The following SHISA6 variants were observed in gnomAD, a reference collection of about 807,000 sequenced individuals.
The protein encoded by SHISA6 is protein shisa-6.
A neutral mutation model predicts 47.9 loss-of-function variants in SHISA6; 22 were observed. The ratio of observed to expected loss-of-function variants is 0.46; its 90% CI spans 0.33 to 0.66. SHISA6 has a LOEUF of 0.66. Ranked by LOEUF, SHISA6 falls within the 30% of genes least tolerant of loss-of-function variation. SHISA6 has a pLI of 0.02. For synonymous variants in SHISA6, 388 were observed against 337.8 expected, an observed-to-expected ratio of 1.15 and a Z score of -1.63; for missense variants, 680 against 764.6, an observed-to-expected ratio of 0.89 and a Z score of 1.30.
intron 1 of SHISA6, among the ~76,000 whole-genome samples, chr17:11,242,930 A>G (rs541633669): frequency 8.5e-5 from 13 of 152,138 alleles, no homozygotes; most frequent in Non-Finnish European, 1.6e-4. Flanking sequence ...GCCTCCCCTT[A>G]GAACTCTAGG....
At chr17:11,280,569 T>C (rs1909084349) in intron 2 of SHISA6, among the ~76,000 whole-genome samples, 1 of 152,212 alleles carries the variant, frequency 6.6e-6, no homozygotes, top group Non-Finnish European at 1.5e-5. Flanking sequence ...CTTTGTTGAG[T>C]GCCTGCTGCA....
chr17:11,442,052 T>G (rs1428289954), intron 3 of SHISA6, among the ~76,000 whole-genome samples: 1 of 152,226 alleles, frequency 6.6e-6, no homozygotes, highest in East Asian at 1.9e-4. Context: ...CCCTTCTGTC[T>G]TCCATTATCC....
chr17:11,253,694 C>T (rs956292437), intron 1 of SHISA6, among the ~76,000 whole-genome samples: 2 of 152,134 alleles, frequency 1.3e-5, no homozygotes, highest in Non-Finnish European at 2.9e-5. Context: ...TTGCAATTCC[C>T]TCTGGGGGTT....
At chr17:11,525,772 T>C (rs1015650987) in intron 3 of SHISA6, among the ~76,000 whole-genome samples, 4 of 151,794 alleles carry the variant, frequency 2.6e-5, no homozygotes, top group African/African-American at 4.8e-5. Flanking sequence ...TCCCAGCACT[T>C]TGGGAGGTTG....
intron 2 of SHISA6, among the ~76,000 whole-genome samples, chr17:11,315,164 AGTGTTCTGATACTTCCCTT>A (rs1231206744): frequency 2.6e-5 from 4 of 152,070 alleles, no homozygotes; most frequent in Non-Finnish European, 4.4e-5. Context: ...TTTTAATCCT[AGTGTTCTGATACTTCCCTT>A]GTGTTTATTA....
intron 2 of SHISA6, among the ~76,000 whole-genome samples, chr17:11,268,456 CTG>C (rs1228615787): frequency 6.6e-6 from 1 of 152,188 alleles, no homozygotes; most frequent in Non-Finnish European, 1.5e-5. Flanking sequence ...TCCAGACACA[CTG>C]TTTCTTCTCA....
chr17:11,485,045 T>C (rs1916312898), intron 3 of SHISA6, among the ~76,000 whole-genome samples: 1 of 152,214 alleles, frequency 6.6e-6, no homozygotes, highest in East Asian at 1.9e-4. Flanking sequence ...AAGTTTGCTC[T>C]TTTCAAATAT....
At chr17:11,441,280 T>C (rs1410558585) in intron 3 of SHISA6, among the ~76,000 whole-genome samples, 2 of 152,138 alleles carry the variant, frequency 1.3e-5, no homozygotes, top group South Asian at 2.1e-4. Flanking sequence ...CCACCTGCAA[T>C]GGGAAGGTTT....
At chr17:11,345,079 T>C (rs899646642) in intron 2 of SHISA6, among the ~76,000 whole-genome samples, 1 of 152,194 alleles carries the variant, frequency 6.6e-6, no homozygotes, top group Non-Finnish European at 1.5e-5. Flanking sequence ...ATATCCTCCA[T>C]TCTTATCCAT....
intron 3 of SHISA6, among the ~76,000 whole-genome samples, chr17:11,465,200 C>A (rs528669333): frequency 2.6e-5 from 4 of 152,162 alleles, no homozygotes; most frequent in African/African-American, 4.8e-5. Context: ...CCCCTCGGTG[C>A]GCTTTCTGTC....
At chr17:11,361,883 G>T (rs530635212) in intron 2 of SHISA6, among the ~76,000 whole-genome samples, 3 of 152,106 alleles carry the variant, frequency 2.0e-5, no homozygotes, top group Admixed American at 2.0e-4. Flanking sequence ...GAATTCTATC[G>T]GTACCATAAA....
chr17:11,473,611 A>T (rs1418198845), intron 3 of SHISA6, among the ~76,000 whole-genome samples: 2 of 151,972 alleles, frequency 1.3e-5, no homozygotes, highest in African/African-American at 4.8e-5. Flanking sequence ...ATGGCAATTA[A>T]TTTTTTATAT....
intron 3 of SHISA6, among the ~76,000 whole-genome samples, chr17:11,464,147 G>T (rs949004423): frequency 6.6e-6 from 1 of 152,018 alleles, no homozygotes; most frequent in Non-Finnish European, 1.5e-5. Flanking sequence ...GAACTCCTGG[G>T]CTCAAACTGT....
At chr17:11,320,929 A>T (rs941167258) in intron 2 of SHISA6, among the ~76,000 whole-genome samples, 4 of 152,230 alleles carry the variant, frequency 2.6e-5, no homozygotes, top group Non-Finnish European at 5.9e-5. Flanking sequence ...GTGATACCAG[A>T]CAGATCATAT....
intron 2 of SHISA6, among the ~76,000 whole-genome samples, chr17:11,268,347 A>C (rs1908507441): frequency 6.6e-6 from 1 of 152,126 alleles, no homozygotes; most frequent in South Asian, 2.1e-4. Flanking sequence ...GCACTCTGCC[A>C]CAGTCCTGCA....
At chr17:11,278,604 G>A (rs752656226) in intron 2 of SHISA6, among the ~76,000 whole-genome samples, 6 of 152,196 alleles carry the variant, frequency 3.9e-5, no homozygotes, top group Non-Finnish European at 7.3e-5. Flanking sequence ...AGCTCCATCC[G>A]CCTACCCCTG....
At chr17:11,320,527 G>A (rs1038329522) in intron 2 of SHISA6, among the ~76,000 whole-genome samples, 1 of 152,028 alleles carries the variant, frequency 6.6e-6, no homozygotes. Flanking sequence ...GTGTGGTGGT[G>A]GGCACCTGTA....
chr17:11,276,352 G>A (rs1032476499), intron 2 of SHISA6, among the ~76,000 whole-genome samples: 2 of 152,144 alleles, frequency 1.3e-5, no homozygotes, highest in African/African-American at 4.8e-5. Context: ...CATCACCCGG[G>A]TGATGGGAGG....
chr17:11,274,322 G>T (rs989964354), intron 2 of SHISA6, among the ~76,000 whole-genome samples: 56 of 152,348 alleles, frequency 3.7e-4, no homozygotes, highest in African/African-American at 1.2e-3. Flanking sequence ...CCAAAATGAG[G>T]TGCCGGTCAG....
Sources: gnomAD v4.1 joint callset for allele counts (sites outside exome capture counted in the v4.1 genomes callset) on GRCh38, gnomAD v4.1.1 for gene constraint, MANE v1.5 for transcripts, NCBI Gene and HGNC (gene_info 2026-07-23, HGNC 2026-07-21) for gene names.